The following RAB7A variants were observed in gnomAD, a reference collection of about 807,000 sequenced individuals.
RAB7A encodes the protein RAB7A, member RAS oncogene family.
Under a neutral mutation model 24.5 loss-of-function variants are expected in RAB7A, and 2 were observed. That is an observed-to-expected ratio of 0.08 (90% CI 0.03 to 0.26). The LOEUF (loss-of-function observed/expected upper bound fraction) is 0.26. Among genes scored for constraint, RAB7A ranks in the 10% least tolerant of loss-of-function variants. The pLI, the probability that RAB7A is intolerant of heterozygous loss-of-function variation, is 1.00. For synonymous variants in RAB7A, 100 were observed against 95.9 expected (o/e 1.04, Z -0.25); for missense variants, 118 against 255.7 (o/e 0.46, Z 3.67).
chr3:128,769,270 G>T (rs1203982098), intron 1 of RAB7A, among the ~76,000 whole-genome samples: 2 of 152,032 alleles, frequency 1.3e-5, no homozygotes, highest in African/African-American at 4.8e-5. Flanking sequence ...TACCAGCAGT[G>T]TACAGGAGTT....
chr3:128,772,399 T>TAAA (rs1932971349), intron 1 of RAB7A, among the ~76,000 whole-genome samples: 2 of 152,354 alleles, frequency 1.3e-5, no homozygotes, highest in South Asian at 4.1e-4. Context: ...TGAGAGTTTA[T>TAAA]AATACTATTG....
chr3:128,798,840 AAAAAAG>A lies in RAB7A; in HGVS notation c.180+774_180+779del. 7 of 259,028 alleles carry A rather than the reference AAAAAAG, an allele frequency of 2.7e-5. No individual in the cohort carries two copies. In the South Asian group the frequency reaches 2.7e-4, roughly 10 times the overall value. The allele number at this position is 259,028 out of a possible 1,614,324, so 16.0% of individuals were successfully genotyped here. A position where few individuals can be genotyped will look rare whatever the true frequency, so the allele number is the denominator to read the frequency against. On this transcript the variant is annotated intron_variant, in intron 3 of 5. Coordinates refer to ENST00000265062, the MANE Select transcript of RAB7A (RefSeq NM_004637.6). ...TAAATTTAAAAAAAAAAAAAAAAAA[AAAAAAG>A]AATCCCAGGATTTTCCCTCCTGTAT...
intron 1 of RAB7A, among the ~76,000 whole-genome samples, chr3:128,776,485 A>G (rs895137117): frequency 5.9e-5 from 9 of 152,170 alleles, no homozygotes; most frequent in Non-Finnish European, 1.3e-4. Flanking sequence ...GGGTTTCACC[A>G]TGTTGCTTAG....
At chr3:128,737,898 ACT>A (rs1304970885) in intron 1 of RAB7A, among the ~76,000 whole-genome samples, 1 of 133,630 alleles carries the variant, frequency 7.5e-6, no homozygotes, top group African/African-American at 2.9e-5. Flanking sequence ...CTTGTCTCAA[ACT>A]CTAGGCCTCA....
At chr3:128,740,471 C>T (rs1302383872) in intron 1 of RAB7A, among the ~76,000 whole-genome samples, 1 of 152,166 alleles carries the variant, frequency 6.6e-6, no homozygotes, top group Non-Finnish European at 1.5e-5. Flanking sequence ...ATATAGCCTT[C>T]AGGAAGGTTG....
chr3:128,773,197 C>T (rs1395818478), intron 1 of RAB7A, among the ~76,000 whole-genome samples: 1 of 152,054 alleles, frequency 6.6e-6, no homozygotes, highest in South Asian at 2.1e-4. Flanking sequence ...CGCCTCTGCC[C>T]GGCCGCGACC....
chr3:128,767,956 A>G (rs959134788), intron 1 of RAB7A, among the ~76,000 whole-genome samples: 1 of 152,194 alleles, frequency 6.6e-6, no homozygotes, highest in African/African-American at 2.4e-5. Flanking sequence ...ATACATATGT[A>G]TCTATGAATA....
chr3:128,751,907 G>T (rs375472876), intron 1 of RAB7A, among the ~76,000 whole-genome samples: 1 of 152,170 alleles, frequency 6.6e-6, no homozygotes, highest in Non-Finnish European at 1.5e-5. Context: ...TAAGTCTTAC[G>T]AGATCTGATG....
intron 1 of RAB7A, among the ~76,000 whole-genome samples, chr3:128,771,213 C>A (rs1419871214): frequency 6.6e-6 from 1 of 152,226 alleles, no homozygotes; most frequent in East Asian, 1.9e-4. Flanking sequence ...TCAAGTGATC[C>A]GGCCGCCTCA....
intron 2 of RAB7A, among the ~76,000 whole-genome samples, chr3:128,796,249 G>C (rs1001656295): frequency 6.6e-6 from 1 of 152,062 alleles, no homozygotes; most frequent in Non-Finnish European, 1.5e-5. Context: ...CCAGTGCTTT[G>C]GAGGCTGAGG....
At chr3:128,779,357 G>A (rs1468537606) in intron 1 of RAB7A, among the ~76,000 whole-genome samples, 2 of 151,326 alleles carry the variant, frequency 1.3e-5, no homozygotes, top group African/African-American at 2.4e-5. Context: ...GCAGTGAGCC[G>A]AGATCACGCC....
At chr3:128,764,653 G>T in intron 1 of RAB7A, 1 of 930,250 alleles carries the variant, frequency 1.1e-6, no homozygotes, top group Non-Finnish European at 1.8e-6. Flanking sequence ...TTTGTCAGTG[G>T]CTAGTTTGTG....
Position 128,814,259 on chromosome 3 carries a change from TA to T in RAB7A, c.*839del, listed in dbSNP as rs1028882828. ...TTATGTACGCCTTTTATCAAAGACTTAAGAGCCAAAAAGCTTTTCATCTCTC... is the reference window on the plus strand; with the variant it reads ...TTATGTACGCCTTTTATCAAAGACTTAGAGCCAAAAAGCTTTTCATCTCTC... On this transcript the variant is annotated 3_prime_UTR_variant, in exon 6 of 6. Transcript: ENST00000265062. The T allele has an allele frequency of 2.0e-5, 3 of 152,992 alleles. No individual in the cohort carries two copies. The Admixed American group carries it at 2.0e-4, about 10-fold the overall frequency. The allele number at this position is 152,992 out of a possible 1,614,324, so 9.5% of individuals were successfully genotyped here. A position where few individuals can be genotyped will look rare whatever the true frequency, so the allele number is the denominator to read the frequency against.
At chr3:128,787,220 A>G (rs994972312) in intron 1 of RAB7A, among the ~76,000 whole-genome samples, 1 of 152,266 alleles carries the variant, frequency 6.6e-6, no homozygotes, top group Admixed American at 6.5e-5. Context: ...GGAAACACCA[A>G]CCAACTAAAA....
At position 128,812,147 on chromosome 3, in the gene RAB7A, C is replaced by A. The variant is rs1348740804; in HGVS notation, c.529-1180C>A. 2.0e-5 allele frequency among the ~76,000 whole-genome samples: 3 copies of A among 152,126 alleles called. No individual in the cohort carries two copies. The East Asian group carries it at 5.8e-4, about 29-fold the overall frequency. On this transcript the variant is annotated intron_variant, in intron 5 of 5. Transcript: ENST00000265062. ...ACACTTCATGGCATGTGAGTTAAAA[C>A]CCAGCAAAGCTATTAGGAGTGCAAT...
At chr3:128,731,976 GC>G in intron 1 of RAB7A, among the ~76,000 whole-genome samples, 1 of 147,898 alleles carries the variant, frequency 6.8e-6, no homozygotes, top group East Asian at 2.1e-4. Context: ...TTGCACTCCA[GC>G]CTGGCGACAG....
At chr3:128,781,932 G>C (rs1349597519) in intron 1 of RAB7A, among the ~76,000 whole-genome samples, 2 of 152,120 alleles carry the variant, frequency 1.3e-5, no homozygotes, top group Non-Finnish European at 2.9e-5. Flanking sequence ...AGAATCCCTT[G>C]AACTTGGGAG....
chr3:128,811,621 C>T (rs1437469877), intron 5 of RAB7A, among the ~76,000 whole-genome samples: 3 of 151,930 alleles, frequency 2.0e-5, no homozygotes, highest in South Asian at 4.1e-4. Context: ...AGGCTGAGGC[C>T]GGAGGATCAC....
At chr3:128,735,339 G>A (rs1474071377) in intron 1 of RAB7A, among the ~76,000 whole-genome samples, 2 of 147,198 alleles carry the variant, frequency 1.4e-5, no homozygotes, top group African/African-American at 5.3e-5. Flanking sequence ...TGTATGTATG[G>A]AAACCAGATC....
Sources: allele counts gnomAD v4.1 joint callset (sites outside exome capture counted in the v4.1 genomes callset), GRCh38; gene constraint gnomAD v4.1.1; transcripts MANE v1.5; gene names NCBI Gene and HGNC (gene_info 2026-07-23, HGNC 2026-07-21).